Variants in EPHX2 observed in about 807,000 individuals in gnomAD.
EPHX2 encodes the protein epoxide hydrolase 2.
In EPHX2, 74 loss-of-function variants were observed where a neutral mutation model predicts 78.7. The observed-to-expected ratio is 0.94, with a 90% CI of 0.78 to 1.14. The LOEUF is 1.14. Ranked by LOEUF, EPHX2 falls within the 50% of genes most tolerant of loss-of-function variation. EPHX2 has a pLI of 0.00. For synonymous variants in EPHX2, 251 were observed against 255.2 expected (o/e 0.98, Z 0.16); for missense variants, 715 against 702.5 (o/e 1.02, Z -0.20).
chr8:27,544,628 G>A lies in EPHX2; in HGVS notation c.*106G>A, dbSNP rs144328663. ...TTACACACATCTTGCATGGATGGCA[G>A]CATTGTTCTGAAGGGGTTTGCAGAA... On this transcript the variant is annotated 3_prime_UTR_variant, in exon 19 of 19. Transcript: ENST00000521400. 13 of 1,142,534 alleles carry A rather than the reference G, an allele frequency of 1.1e-5. No individual in the cohort carries two copies. Among genetic ancestry groups the A allele is most frequent in the Non-Finnish European group, 1.7e-5 (13 of 763,208 alleles). The allele number at this position is 1,142,534 out of a possible 1,614,324, so 70.8% of individuals were successfully genotyped here. A position where few individuals can be genotyped will look rare whatever the true frequency, so the allele number is the denominator to read the frequency against.
intron 6 of EPHX2, among the ~76,000 whole-genome samples, chr8:27,515,137 C>CGAG (rs1814400499): frequency 6.6e-6 from 1 of 152,104 alleles, no homozygotes; most frequent in African/African-American, 2.4e-5. Flanking sequence ...ATTCCAACAG[C>CGAG]GAGGCGGGAA....
intron 8 of EPHX2, 144 bp downstream of exon 8, chr8:27,516,542 G>A (rs1011988206): frequency 6.1e-5 from 45 of 733,574 alleles, no homozygotes; most frequent in African/African-American, 5.9e-4. Flanking sequence ...CCTCTCCTAC[G>A]GTGCCCTGTG....
chr8:27,522,845 C>T (rs139864194), intron 11 of EPHX2, among the ~76,000 whole-genome samples: 1,974 of 151,780 alleles, frequency 0.013, 22 homozygotes, highest in Non-Finnish European at 0.018. Flanking sequence ...CCTATACTCC[C>T]AGCTACTCTG....
chr8:27,500,811 C>A, intron 1 of EPHX2, 115 bp from the exon 2 acceptor site: 1 of 944,102 alleles, frequency 1.1e-6, no homozygotes, highest in South Asian at 1.6e-5. Context: ...TTTTCCAGTT[C>A]CTGGCAGTAT....
downstream of EPHX2, among the ~76,000 whole-genome samples, chr8:27,547,006 G>A (rs1324776238): frequency 6.6e-6 from 1 of 152,148 alleles, no homozygotes; most frequent in African/African-American, 2.4e-5. Flanking sequence ...AGAAAGAGAA[G>A]GGGGAGGTGC....
chr8:27,544,275 G>T (rs371760832), intron 18 of EPHX2, 31 bp downstream of exon 18: 302 of 1,612,620 alleles, frequency 1.9e-4, no homozygotes, highest in Non-Finnish European at 1.7e-4. Flanking sequence ...TGGGGTCGGG[G>T]AGAGCAGGGC....
rs555150832 is a variant in EPHX2 at position 27,543,724 on chromosome 8, C to T, written c.1450-25C>T. On this transcript the variant is annotated intron_variant, in intron 16 of 18. Coordinates refer to ENST00000521400, the MANE Select transcript of EPHX2 (RefSeq NM_001979.6). ...GGCTTCCTTTGTGGAGTGCTGGCCA[C>T]TTCTGTTTCCTGTTCTCCCCCCAGA... 19 of 1,613,306 alleles carry T rather than the reference C, an allele frequency of 1.2e-5. No individual in the cohort carries two copies. In the Admixed American group the frequency reaches 2.8e-4, roughly 24 times the overall value.
At position 27,503,899 on chromosome 8, in the gene EPHX2, C is replaced by A. The variant is rs28556875; in HGVS notation, c.346+136C>A. ...ATGGAAAGCCTCTTTAAACATGGCC[C>A]CAAAGCAAGTTTTATCCAATGGCAA... On this transcript the variant is annotated intron_variant, in intron 3 of 18. Coordinates refer to ENST00000521400, the MANE Select transcript of EPHX2 (RefSeq NM_001979.6). The A allele has an allele frequency of 9.4e-4, 1,069 of 1,131,774 alleles. 9 individuals are homozygous for A. The African/African-American group carries it at 0.015, about 16-fold the overall frequency. The allele number at this position is 1,131,774 out of a possible 1,614,324, so 70.1% of individuals were successfully genotyped here.
chr8:27,536,342 A>G (rs887747449), intron 12 of EPHX2, among the ~76,000 whole-genome samples: 3 of 152,180 alleles, frequency 2.0e-5, no homozygotes, highest in Non-Finnish European at 2.9e-5. Context: ...TGGCCTCAAT[A>G]TAGCGAAATT....
chr8:27,518,295 A>G (rs569653178), intron 9 of EPHX2, among the ~76,000 whole-genome samples: 12 of 152,320 alleles, frequency 7.9e-5, no homozygotes, highest in African/African-American at 2.6e-4. Flanking sequence ...GAGAAAACTG[A>G]GTCATGGGAA....
At chr8:27,497,905 G>C (rs1050092612) in intron 1 of EPHX2, among the ~76,000 whole-genome samples, 1 of 152,160 alleles carries the variant, frequency 6.6e-6, no homozygotes, top group African/African-American at 2.4e-5. Context: ...GGGACGGCTT[G>C]TTGACCGGTA....
chr8:27,519,632 G>A (rs1340761669), intron 9 of EPHX2, among the ~76,000 whole-genome samples: 3 of 151,936 alleles, frequency 2.0e-5, no homozygotes, highest in Admixed American at 1.3e-4. Flanking sequence ...GTGATGTCGT[G>A]AAGACTGATG....
chr8:27,500,872 G>A (rs371491337), intron 1 of EPHX2, 54 bp from the exon 2 acceptor site: 382 of 1,497,862 alleles, frequency 2.6e-4, no homozygotes, highest in Middle Eastern at 1.7e-4. Context: ...CTGTTTCCAT[G>A]TGCTGCCATG....
chr8:27,498,504 T>C (rs1303882862), intron 1 of EPHX2, among the ~76,000 whole-genome samples: 1 of 152,194 alleles, frequency 6.6e-6, no homozygotes, highest in Non-Finnish European at 1.5e-5. Context: ...GTTCCTCTTC[T>C]TTTATCATCT....
At chr8:27,517,669 G>T (rs1006159817) in intron 8 of EPHX2, among the ~76,000 whole-genome samples, 2 of 152,218 alleles carry the variant, frequency 1.3e-5, no homozygotes, top group Non-Finnish European at 2.9e-5. Context: ...CAAACAAATG[G>T]TGGTGGGGAA....
Position 27,517,363 on chromosome 8 carries a change from T to G in EPHX2, c.911-675T>G, listed in dbSNP as rs151181752. Among the ~76,000 whole-genome samples the G allele has an allele frequency of 3.1e-3, 477 of 152,296 alleles. 2 individuals carry two copies. The highest frequency in any genetic ancestry group is 0.011 in the African/African-American group (466 of 41,554). Reference sequence around the variant, plus strand: ...ATCCCTGTCAAAATCTCAATGGCATTTTTTACAAAAATAGAGACAGCAATT... The same window carrying G: ...ATCCCTGTCAAAATCTCAATGGCATGTTTTACAAAAATAGAGACAGCAATT... On this transcript the variant is annotated intron_variant, in intron 8 of 18. Transcript: ENST00000521400.
intron 1 of EPHX2, among the ~76,000 whole-genome samples, chr8:27,496,935 CT>C (rs569485610): frequency 1.2e-3 from 183 of 152,164 alleles, no homozygotes; most frequent in Non-Finnish European, 1.9e-3. Flanking sequence ...TAATATGTCC[CT>C]CCCTAATAAG....
At chr8:27,519,836 A>G (rs1814583749) in intron 9 of EPHX2, among the ~76,000 whole-genome samples, 1 of 152,034 alleles carries the variant, frequency 6.6e-6, no homozygotes, top group Non-Finnish European at 1.5e-5. Flanking sequence ...TTAGAGCAGG[A>G]ACTCCATGCT....
chr8:27,537,795 TGGATGTTTTTGG>T (rs951243186), intron 13 of EPHX2, among the ~76,000 whole-genome samples: 7 of 152,222 alleles, frequency 4.6e-5, no homozygotes, highest in African/African-American at 1.4e-4. Context: ...ACTCTGTTAT[TGGATGTTTTTGG>T]GGAGTCGTAT....
Sources: gnomAD v4.1 joint callset for allele counts (sites outside exome capture counted in the v4.1 genomes callset) on GRCh38, gnomAD v4.1.1 for gene constraint, MANE v1.5 for transcripts, NCBI Gene and HGNC (gene_info 2026-07-23, HGNC 2026-07-21) for gene names.